Variants in ARHGAP17 observed in about 807,000 individuals in gnomAD.
ARHGAP17 encodes rho GTPase-activating protein 17.
A neutral mutation model predicts 99.5 loss-of-function variants in ARHGAP17; 57 were observed. The observed-to-expected ratio is 0.57, with a 90% confidence interval of 0.46 to 0.71. The LOEUF is 0.71. Ranked by LOEUF, ARHGAP17 falls within the 30% of genes least tolerant of loss-of-function variation. ARHGAP17 has a pLI of 0.00. For missense variants in ARHGAP17, 1,000 were observed against 1,122.4 expected, an observed-to-expected ratio of 0.89 and a Z score of 1.56; for synonymous variants, 417 against 429.6, an observed-to-expected ratio of 0.97 and a Z score of 0.36.
intron 6 of ARHGAP17, among the ~76,000 whole-genome samples, chr16:24,965,288 G>A (rs1445886379): frequency 1.3e-5 from 2 of 152,180 alleles, no homozygotes; most frequent in East Asian, 3.9e-4. Flanking sequence ...GGCTAACACG[G>A]TGAAACCCCA....
chr16:24,991,501 AGAGCAGGAGTAGCGCAG>A (rs2053041239), intron 1 of ARHGAP17, among the ~76,000 whole-genome samples: 1 of 151,740 alleles, frequency 6.6e-6, no homozygotes, highest in Admixed American at 6.5e-5. Context: ...AGTCAGAGTT[AGAGCAGGAGTAGCGCAG>A]GACGTTCAAT....
At chr16:25,010,765 A>G (rs532773518) in intron 1 of ARHGAP17, among the ~76,000 whole-genome samples, 15 of 152,386 alleles carry the variant, frequency 9.8e-5, no homozygotes, top group Admixed American at 3.3e-4. Flanking sequence ...CTGGGCCTAC[A>G]TTACCACAGC....
intron 1 of ARHGAP17, among the ~76,000 whole-genome samples, chr16:24,992,497 G>A (rs1036035261): frequency 2.0e-5 from 3 of 151,802 alleles, no homozygotes; most frequent in Admixed American, 2.0e-4. Flanking sequence ...CACCATGACC[G>A]GCTAATTTTT....
intron 14 of ARHGAP17, among the ~76,000 whole-genome samples, chr16:24,946,773 T>TA (rs1358892561): frequency 2.0e-5 from 3 of 152,198 alleles, no homozygotes; most frequent in African/African-American, 7.2e-5. Flanking sequence ...CTTATCTTCC[T>TA]AGTCACTTCT....
At chr16:25,006,302 T>A (rs1454612644) in intron 1 of ARHGAP17, among the ~76,000 whole-genome samples, 2 of 150,106 alleles carry the variant, frequency 1.3e-5, no homozygotes, top group East Asian at 2.0e-4. Flanking sequence ...AAAAAAAAAT[T>A]AGCCGGACAT....
At chr16:24,930,690 G>T in intron 19 of ARHGAP17, 94 bp downstream of exon 19, 1 of 1,609,468 alleles carries the variant, frequency 6.2e-7, no homozygotes, top group South Asian at 1.1e-5. Context: ...GTAGTTTGCT[G>T]ACACCTGGCA....
At chr16:24,984,645 G>C (rs1476422761) in intron 1 of ARHGAP17, among the ~76,000 whole-genome samples, 2 of 151,380 alleles carry the variant, frequency 1.3e-5, no homozygotes, top group Admixed American at 6.6e-5. Flanking sequence ...CTGGGCGACA[G>C]AGCAAGACTC....
intron 1 of ARHGAP17, among the ~76,000 whole-genome samples, chr16:24,998,425 A>G (rs2053263318): frequency 6.6e-6 from 1 of 151,976 alleles, no homozygotes; most frequent in African/African-American, 2.4e-5. Context: ...GGGTCCAGGC[A>G]GGTGGGTGGT....
intron 1 of ARHGAP17, among the ~76,000 whole-genome samples, chr16:24,980,044 T>G (rs2052629542): frequency 6.6e-6 from 1 of 152,098 alleles, no homozygotes; most frequent in Non-Finnish European, 1.5e-5. Flanking sequence ...AGAAAAAGTA[T>G]GTTTCAGCTC....
Position 24,947,398 on chromosome 16 carries a change from G to A in ARHGAP17, c.1241+84C>T. ...AATACCTTGAATTGATCTTAAACTA[G>A]AATGTGTAACCTGAGTTACATTTCT... On this transcript the variant is annotated intron_variant, in intron 14 of 19. Transcript: ENST00000289968. The A allele has an allele frequency of 2.5e-6, 3 of 1,208,894 alleles. No homozygotes were observed. In the South Asian group the frequency reaches 3.9e-5, roughly 16 times the overall value. The allele number at this position is 1,208,894 out of a possible 1,614,324, so 74.9% of individuals were successfully genotyped here. A position where few individuals can be genotyped will look rare whatever the true frequency, so the allele number is the denominator to read the frequency against.
At chr16:24,992,928 T>C (rs1328464306) in intron 1 of ARHGAP17, among the ~76,000 whole-genome samples, 1 of 152,214 alleles carries the variant, frequency 6.6e-6, no homozygotes, top group African/African-American at 2.4e-5. Flanking sequence ...GCCTCCCAAG[T>C]AGCTGAGACT....
At position 24,945,596 on chromosome 16, in the gene ARHGAP17, T is replaced by A. The variant is rs905174895; in HGVS notation, c.1242-1734A>T. Among the ~76,000 whole-genome samples the A allele has an allele frequency of 2.6e-5, 4 of 152,286 alleles. No individual in the cohort carries two copies. The South Asian group carries it at 6.2e-4, about 24-fold the overall frequency. The stretch of plus-strand genomic sequence containing the variant: ...CCTCAAACCTCTCCTCTCCTATCAC[T>A]CTGACCTCTCTTCCCATCAGAGTAT... On this transcript the variant is annotated intron_variant, in intron 14 of 19. Transcript: ENST00000289968.
intron 1 of ARHGAP17, among the ~76,000 whole-genome samples, chr16:24,987,468 G>A (rs998663004): frequency 9.9e-5 from 15 of 152,268 alleles, no homozygotes; most frequent in African/African-American, 3.1e-4. Context: ...TTCTTACTCA[G>A]AAGGGGGATT....
At chr16:24,942,586 GT>G (rs2051345461) in intron 15 of ARHGAP17, among the ~76,000 whole-genome samples, 2 of 152,060 alleles carry the variant, frequency 1.3e-5, no homozygotes, top group East Asian at 1.9e-4. Context: ...GGCCAAGAAC[GT>G]GAAACCCCGT....
chr16:24,984,595 G>A (rs2052800536), intron 1 of ARHGAP17, among the ~76,000 whole-genome samples: 1 of 152,034 alleles, frequency 6.6e-6, no homozygotes, highest in African/African-American at 2.4e-5. Context: ...GGCGGAGTTT[G>A]CAGTGAGCTG....
intron 1 of ARHGAP17, among the ~76,000 whole-genome samples, chr16:25,008,005 T>C (rs1256475363): frequency 6.6e-6 from 1 of 152,174 alleles, no homozygotes; most frequent in African/African-American, 2.4e-5. Context: ...TTTCACTTAT[T>C]TATTTTACCC....
intron 15 of ARHGAP17, 90 bp downstream of exon 15, chr16:24,943,681 A>G (rs916936971): frequency 8.9e-7 from 1 of 1,120,110 alleles, no homozygotes; most frequent in Non-Finnish European, 1.3e-6. Context: ...CGTAATCATG[A>G]AGAAGGATTA....
At chr16:24,978,349 G>A (rs1421364361) in intron 2 of ARHGAP17, among the ~76,000 whole-genome samples, 1 of 152,190 alleles carries the variant, frequency 6.6e-6, no homozygotes, top group Non-Finnish European at 1.5e-5. Flanking sequence ...TTCGTTGAGA[G>A]GGCCCATGTC....
chr16:24,998,336 G>A (rs1162975286), intron 1 of ARHGAP17, among the ~76,000 whole-genome samples: 1 of 151,972 alleles, frequency 6.6e-6, no homozygotes, highest in African/African-American at 2.4e-5. Context: ...GGAGGTGAAA[G>A]GTGCATGGCA....
Sources: allele counts gnomAD v4.1 joint callset (sites outside exome capture counted in the v4.1 genomes callset), GRCh38; gene constraint gnomAD v4.1.1; transcripts MANE v1.5; gene names NCBI Gene and HGNC (gene_info 2026-07-23, HGNC 2026-07-21).